The following SMYD3 variants were observed in gnomAD, a reference collection of about 807,000 sequenced individuals.
SMYD3 encodes the protein SET and MYND domain containing 3, also known as histone-lysine N-methyltransferase SMYD3.
SMYD3 carries 36 observed loss-of-function variants against 57.7 expected under a neutral mutation model. The observed-to-expected ratio is 0.62, with a 90% CI of 0.48 to 0.82. The LOEUF is 0.82. SMYD3 is among the 40% of genes least tolerant of loss of function. SMYD3 has a pLI of 0.00. For missense variants in SMYD3, 515 were observed against 538.8 expected (o/e 0.96, Z 0.44); for synonymous variants, 211 against 195.0 (o/e 1.08, Z -0.68).
intron 5 of SMYD3, among the ~76,000 whole-genome samples, chr1:245,943,053 C>A (rs1443874409): frequency 6.6e-6 from 1 of 151,766 alleles, no homozygotes; most frequent in African/African-American, 2.4e-5. Flanking sequence ...AAATCGACAT[C>A]CTAACATCAC....
intron 5 of SMYD3, among the ~76,000 whole-genome samples, chr1:246,319,161 A>G (rs182275772): frequency 1.5e-3 from 229 of 152,364 alleles, no homozygotes; most frequent in African/African-American, 4.9e-3. Context: ...TAGATGCATG[A>G]CACCGTTTCA....
intron 5 of SMYD3, among the ~76,000 whole-genome samples, chr1:246,154,928 C>T (rs929259806): frequency 6.6e-5 from 10 of 151,916 alleles, no homozygotes; most frequent in African/African-American, 2.2e-4. Flanking sequence ...ACTACAGGCG[C>T]CTACCACCAC....
intron 5 of SMYD3, among the ~76,000 whole-genome samples, chr1:246,165,691 T>G (rs939487565): frequency 6.6e-6 from 1 of 152,132 alleles, no homozygotes; most frequent in Non-Finnish European, 1.5e-5. Flanking sequence ...TGAGCTTAGA[T>G]GCAAATGGTA....
intron 5 of SMYD3, among the ~76,000 whole-genome samples, chr1:245,995,614 G>A (rs1325018012): frequency 6.6e-6 from 1 of 152,248 alleles, no homozygotes; most frequent in African/African-American, 2.4e-5. Context: ...GGAGGCATGT[G>A]GCAGTAGAGA....
At chr1:246,368,932 G>C (rs2066149353) in intron 1 of SMYD3, among the ~76,000 whole-genome samples, 1 of 152,128 alleles carries the variant, frequency 6.6e-6, no homozygotes, top group African/African-American at 2.4e-5. Context: ...AATCATGTGA[G>C]TTAATTCTTA....
chr1:245,853,673 G>A (rs886411385), intron 10 of SMYD3, among the ~76,000 whole-genome samples: 2 of 152,034 alleles, frequency 1.3e-5, no homozygotes, highest in South Asian at 2.1e-4. Context: ...ACTGTTATGA[G>A]GAAATCTCAT....
chr1:246,300,236 T>A (rs1234374599), intron 5 of SMYD3, among the ~76,000 whole-genome samples: 1 of 152,152 alleles, frequency 6.6e-6, no homozygotes, highest in African/African-American at 2.4e-5. Flanking sequence ...CTTTTCATAA[T>A]GCACATAGTT....
At chr1:246,475,005 G>A (rs996049078) in intron 1 of SMYD3, among the ~76,000 whole-genome samples, 1 of 152,088 alleles carries the variant, frequency 6.6e-6, no homozygotes, top group African/African-American at 2.4e-5. Flanking sequence ...ACCTCACAGT[G>A]ATTTGTGGCG....
At chr1:245,929,430 C>A (rs1457574213) in intron 6 of SMYD3, among the ~76,000 whole-genome samples, 1 of 152,198 alleles carries the variant, frequency 6.6e-6, no homozygotes, top group African/African-American at 2.4e-5. Flanking sequence ...GGGCCAAAGC[C>A]TGAGAGTTTT....
chr1:246,055,019 CA>C lies in SMYD3; in HGVS notation c.532-125083del, dbSNP rs1225005509. The stretch of plus-strand genomic sequence containing the variant: ...TGAAATCCCGTCTCTACTAAAAATA[CA>C]AAAAAATTAGCCGGGCGTGGTGGTG... On this transcript the variant is annotated intron_variant, in intron 5 of 11. Coordinates refer to ENST00000490107, the MANE Select transcript of SMYD3 (RefSeq NM_001167740.2). Among the ~76,000 whole-genome samples the C allele has an allele frequency of 4.0e-5, 6 of 151,260 alleles. No homozygotes were observed. The East Asian group carries it at 5.9e-4, about 15-fold the overall frequency.
intron 5 of SMYD3, among the ~76,000 whole-genome samples, chr1:246,002,734 C>G (rs529144348): frequency 6.6e-6 from 1 of 151,656 alleles, no homozygotes; most frequent in Admixed American, 6.6e-5. Flanking sequence ...TGACAGGCGC[C>G]CGCCACCACG....
At chr1:246,334,372 T>C (rs976518781) in intron 3 of SMYD3, among the ~76,000 whole-genome samples, 4 of 152,176 alleles carry the variant, frequency 2.6e-5, no homozygotes, top group African/African-American at 9.7e-5. Context: ...TGAAATACCA[T>C]GCAACCATTA....
rs143392676 is a variant in SMYD3 at position 245,945,960 on chromosome 1, C to T, written c.532-16023G>A. 1.4e-3 allele frequency among the ~76,000 whole-genome samples: 215 copies of T among 152,072 alleles called. 1 individual carries two copies. The highest frequency in any genetic ancestry group is 4.5e-3 in the African/African-American group (188 of 41,468). On this transcript the variant is annotated intron_variant, in intron 5 of 11. Coordinates refer to ENST00000490107, the MANE Select transcript of SMYD3 (RefSeq NM_001167740.2). ...GGAACAACATACACTGGGGCCTGTCCGGGGATTGAGGGGCGGAAGAACATC... is the reference window on the plus strand; with the variant it reads ...GGAACAACATACACTGGGGCCTGTCTGGGGATTGAGGGGCGGAAGAACATC...
At chr1:245,932,194 G>A (rs989699907) in intron 5 of SMYD3, among the ~76,000 whole-genome samples, 1 of 151,460 alleles carries the variant, frequency 6.6e-6, no homozygotes, top group Non-Finnish European at 1.5e-5. Context: ...GTTAACTTCT[G>A]AATCAAACCA....
At chr1:245,991,519 T>G (rs1303783523) in intron 5 of SMYD3, among the ~76,000 whole-genome samples, 1 of 152,186 alleles carries the variant, frequency 6.6e-6, no homozygotes, top group East Asian at 1.9e-4. Flanking sequence ...AGTCAAACTG[T>G]CAGCCAGAGC....
At chr1:245,976,136 C>T (rs374739084) in intron 5 of SMYD3, among the ~76,000 whole-genome samples, 16 of 16,664 alleles carry the variant, frequency 9.6e-4, no homozygotes, top group East Asian at 1.6e-3. Context: ...CCATCGTCTC[C>T]GGCCCAGGGA....
intron 5 of SMYD3, among the ~76,000 whole-genome samples, chr1:246,072,449 G>A (rs76890246): frequency 6.6e-6 from 1 of 151,772 alleles, no homozygotes; most frequent in Non-Finnish European, 1.5e-5. Context: ...GCTGTGCTCA[G>A]TGTGGATGAA....
intron 5 of SMYD3, among the ~76,000 whole-genome samples, chr1:245,988,081 C>G (rs181776271): frequency 6.7e-6 from 1 of 149,186 alleles, no homozygotes; most frequent in Non-Finnish European, 1.5e-5. Flanking sequence ...TTTGGCTTTA[C>G]GTTATTAAAC....
chr1:245,847,410 T>C (rs1305873646), intron 10 of SMYD3, among the ~76,000 whole-genome samples: 1 of 152,236 alleles, frequency 6.6e-6, no homozygotes, highest in Non-Finnish European at 1.5e-5. Flanking sequence ...TCACTCAAAA[T>C]ACACAAGTAG....
Sources: allele counts gnomAD v4.1 joint callset (sites outside exome capture counted in the v4.1 genomes callset), GRCh38; gene constraint gnomAD v4.1.1; transcripts MANE v1.5; gene names NCBI Gene and HGNC (gene_info 2026-07-23, HGNC 2026-07-21).